Variants in GIMAP8 observed in about 807,000 individuals in gnomAD.
GIMAP8 encodes GTPase, IMAP family member 8, also known as GTPase IMAP family member 8.
GIMAP8 carries 29 observed loss-of-function variants against 35.6 expected under a neutral mutation model. The ratio of observed to expected loss-of-function variants is 0.81; its 90% confidence interval spans 0.61 to 1.11. GIMAP8 has a LOEUF of 1.11. GIMAP8 is among the 50% of genes most tolerant of loss of function. GIMAP8 has a pLI of 0.00. For synonymous variants in GIMAP8, 335 were observed against 308.7 expected (o/e 1.09, Z -0.89); for missense variants, 811 against 805.0 (o/e 1.01, Z -0.09).
chr7:150,461,140 G>A (rs1375354193), intron 1 of GIMAP8, among the ~76,000 whole-genome samples: 3 of 152,234 alleles, frequency 2.0e-5, no homozygotes, highest in Non-Finnish European at 4.4e-5. Context: ...GGATAATGCT[G>A]ACATAACAGA....
chr7:150,473,461 G>A (rs1246772795), intron 3 of GIMAP8, among the ~76,000 whole-genome samples: 2 of 149,936 alleles, frequency 1.3e-5, no homozygotes, highest in Non-Finnish European at 3.0e-5. Context: ...TATCAACATA[G>A]ATTAATTTGG....
intron 2 of GIMAP8, 61 bp from the exon 3 acceptor site, chr7:150,470,768 T>TTTTTTTTTTG: frequency 5.7e-6 from 3 of 521,946 alleles, no homozygotes; most frequent in Non-Finnish European, 1.0e-5. Context: ...TTTTTTTTTT[T>TTTTTTTTTTG]CAGTTTGTGG....
intron 2 of GIMAP8, among the ~76,000 whole-genome samples, chr7:150,469,450 T>A (rs1802041346): frequency 6.6e-6 from 1 of 152,242 alleles, no homozygotes; most frequent in Non-Finnish European, 1.5e-5. Flanking sequence ...TCATATCTGT[T>A]TTGTTGACTA....
chr7:150,476,337 G>A (rs915963242), intron 4 of GIMAP8, among the ~76,000 whole-genome samples: 3 of 152,216 alleles, frequency 2.0e-5, no homozygotes, highest in South Asian at 4.1e-4. Flanking sequence ...GCATAAGAAC[G>A]ATCTCCAAAG....
At chr7:150,469,540 A>G (rs1346697821) in intron 2 of GIMAP8, among the ~76,000 whole-genome samples, 1 of 152,230 alleles carries the variant, frequency 6.6e-6, no homozygotes, top group Non-Finnish European at 1.5e-5. Context: ...ATTAAATGAA[A>G]TGCTTACAAA....
At chr7:150,461,882 A>G (rs1436549124) in intron 1 of GIMAP8, among the ~76,000 whole-genome samples, 1 of 152,218 alleles carries the variant, frequency 6.6e-6, no homozygotes, top group Non-Finnish European at 1.5e-5. Flanking sequence ...ATGTGTAGAG[A>G]GTCCACCAAC....
intron 1 of GIMAP8, among the ~76,000 whole-genome samples, chr7:150,462,920 C>T (rs115651362): frequency 2.5e-3 from 382 of 152,268 alleles, no homozygotes; most frequent in African/African-American, 8.9e-3. Context: ...TTATTTATTA[C>T]ATAGATTTTC....
chr7:150,455,220 A>AG (rs35844334), intron 1 of GIMAP8, among the ~76,000 whole-genome samples: 30,351 of 151,664 alleles, frequency 0.2, 3,467 homozygotes, highest in Non-Finnish European at 0.25. Context: ...ATGGAGGGAA[A>AG]ACAACAACAA....
At chr7:150,464,642 C>T (rs1801912222) in intron 1 of GIMAP8, among the ~76,000 whole-genome samples, 2 of 151,992 alleles carry the variant, frequency 1.3e-5, no homozygotes, top group Non-Finnish European at 2.9e-5. Context: ...GTGGTCCCAC[C>T]ACTGCACAAC....
chr7:150,470,896 A>G, intron 3 of GIMAP8, 22 bp downstream of exon 3: 1 of 1,540,218 alleles, frequency 6.5e-7, no homozygotes, highest in East Asian at 2.2e-5. Context: ...TTTAAGAAAC[A>G]TTAAGCTCAC....
chr7:150,473,038 C>T (rs192880281), intron 3 of GIMAP8, among the ~76,000 whole-genome samples: 89 of 152,268 alleles, frequency 5.8e-4, no homozygotes, highest in African/African-American at 2.0e-3. Flanking sequence ...ATTCGCAAAG[C>T]GGTAAGTTTT....
In GIMAP8 at chr7:150,466,678, G is replaced by A. The variant is rs751513571; in HGVS notation, c.-21G>A. On this transcript the variant is annotated 5_prime_UTR_variant, in exon 2 of 5. Transcript: ENST00000307271. ...TGTTTTCTGTCCCAACAGAACAAGC[G>A]GGAGCCTGTGTCAGGAAAGCATGTC... 17 of 1,610,588 alleles carry A rather than the reference G, an allele frequency of 1.1e-5. No homozygotes were observed. Among genetic ancestry groups the A allele is most frequent in the East Asian group, 2.2e-5 (1 of 44,874 alleles).
chr7:150,461,949 C>T (rs1355298979), intron 1 of GIMAP8, among the ~76,000 whole-genome samples: 1 of 152,126 alleles, frequency 6.6e-6, no homozygotes. Context: ...TGGGCTGAGT[C>T]CGAAAAAGGA....
intron 4 of GIMAP8, among the ~76,000 whole-genome samples, chr7:150,476,470 C>CGGTTTCTTCT (rs1271553541): frequency 7.9e-5 from 12 of 152,200 alleles, no homozygotes; most frequent in Non-Finnish European, 1.6e-4. Flanking sequence ...TATAACCATG[C>CGGTTTCTTCT]GGTTTCTTCT....
chr7:150,459,424 T>A (rs1801797985), intron 1 of GIMAP8, among the ~76,000 whole-genome samples: 1 of 152,174 alleles, frequency 6.6e-6, no homozygotes, highest in South Asian at 2.1e-4. Flanking sequence ...TAGGCCAGCA[T>A]AAGACCTTGA....
intron 1 of GIMAP8, among the ~76,000 whole-genome samples, chr7:150,459,713 T>A (rs576552037): frequency 6.6e-6 from 1 of 152,300 alleles, no homozygotes; most frequent in South Asian, 2.1e-4. Context: ...GGGAACATGG[T>A]AAGACCAGTG....
chr7:150,452,675 GATATATAT>G lies in GIMAP8; in HGVS notation c.-29+1528_-29+1535del, dbSNP rs373374121. 1.0e-3 allele frequency among the ~76,000 whole-genome samples: 81 copies of G among 79,656 alleles called. 3 individuals are homozygous for G. Among genetic ancestry groups the G allele is most frequent in the South Asian group, 4.1e-3 (8 of 1,950 alleles). The allele number at this position is 79,656 out of a possible 152,430, so 52.3% of individuals were successfully genotyped here. On this transcript the variant is annotated intron_variant, in intron 1 of 4. Transcript: ENST00000307271. ...TATATGTGTGTGTGTGTGTGTGTGAGATATATATATATATATATATATATATATATATA... is the reference window on the plus strand; with the variant it reads ...TATATGTGTGTGTGTGTGTGTGTGAGATATATATATATATATATATATATA...
chr7:150,460,512 CTACT>C (rs1440836012), intron 1 of GIMAP8, among the ~76,000 whole-genome samples: 1 of 152,250 alleles, frequency 6.6e-6, no homozygotes, highest in Non-Finnish European at 1.5e-5. Context: ...ACCAGGTACA[CTACT>C]TAAAGTTCTG....
At chr7:150,473,688 C>A (rs6947973) in intron 3 of GIMAP8, among the ~76,000 whole-genome samples, 49,161 of 150,734 alleles carry the variant, frequency 0.33, 8,118 homozygotes, top group East Asian at 0.41. Context: ...ACCTTTGGTA[C>A]GTACTTACCT....
Sources: gnomAD v4.1 joint callset for allele counts (sites outside exome capture counted in the v4.1 genomes callset) on GRCh38, gnomAD v4.1.1 for gene constraint, MANE v1.5 for transcripts, NCBI Gene and HGNC (gene_info 2026-07-23, HGNC 2026-07-21) for gene names.